SLC37A3: variants seen among roughly 807,000 people sequenced by gnomAD.
SLC37A3 encodes the protein sugar phosphate exchanger 3.
A neutral mutation model predicts 67.1 loss-of-function variants in SLC37A3; 51 were observed. The ratio of observed to expected loss-of-function variants is 0.76; its 90% CI spans 0.61 to 0.96. The LOEUF is 0.96. SLC37A3 is among the 40% of genes least tolerant of loss of function. The pLI is 0.00. For synonymous variants in SLC37A3, 214 were observed against 231.4 expected (o/e 0.92, Z 0.68); for missense variants, 508 against 603.0 (o/e 0.84, Z 1.65).
In SLC37A3 at chr7:140,369,561, G is replaced by C. The variant is rs4448174; in HGVS notation, c.291+29C>G. The C allele has an allele frequency of 0.56, 890,015 of 1,586,864 alleles. 250,820 individuals are homozygous for C. The highest frequency in any genetic ancestry group is 0.64 in the South Asian group (57,754 of 89,880). On this transcript the variant is annotated intron_variant, in intron 4 of 14. Transcript: ENST00000326232. ...TCATTTATATTTACATTTTTCTTTA[G>C]CTTTAAGCCCTAGAGTTCCAAAACT...
At position 140,366,602 on chromosome 7, in the gene SLC37A3, C is replaced by T. The variant is rs141298623; in HGVS notation, c.292-2111G>A. 1.6e-3 allele frequency among the ~76,000 whole-genome samples: 244 copies of T among 152,262 alleles called. 1 individual carries two copies. The highest frequency in any genetic ancestry group is 6.8e-3 in the Middle Eastern group (2 of 294). ...ACCAAAAAAAGGTTAAATTCTACTT[C>T]GCAACCAAGTTTAACACAGCTAGTT... is the stretch of plus-strand genomic sequence containing the variant. On this transcript the variant is annotated intron_variant, in intron 4 of 14. Coordinates refer to ENST00000326232, the MANE Select transcript of SLC37A3 (RefSeq NM_207113.3).
chr7:140,337,098 CAAA>C (rs1172096190), intron 14 of SLC37A3, among the ~76,000 whole-genome samples, 183 bp downstream of exon 14: 2 of 69,660 alleles, frequency 2.9e-5, no homozygotes, highest in Admixed American at 3.5e-4. Context: ...GACTCTGCCT[CAAA>C]AAAAAAAAAA....
chr7:140,383,051 G>T (rs978581371), intron 1 of SLC37A3, among the ~76,000 whole-genome samples: 3 of 152,098 alleles, frequency 2.0e-5, no homozygotes, highest in African/African-American at 7.2e-5. Context: ...GCTACTGAAA[G>T]AAGTAAAAAT....
chr7:140,377,581 T>A (rs1324010890), intron 3 of SLC37A3, among the ~76,000 whole-genome samples: 1 of 152,198 alleles, frequency 6.6e-6, no homozygotes, highest in Non-Finnish European at 1.5e-5. Flanking sequence ...CCATTATAAA[T>A]TCTAAAGGTA....
chr7:140,362,840 C>T (rs1221371404), intron 5 of SLC37A3, among the ~76,000 whole-genome samples: 1 of 77,514 alleles, frequency 1.3e-5, no homozygotes, highest in South Asian at 5.7e-4. Flanking sequence ...TCTGCCCGGC[C>T]GCCCCTACTG....
chr7:140,388,259 C>T (rs555448591), intron 1 of SLC37A3, among the ~76,000 whole-genome samples: 3 of 151,490 alleles, frequency 2.0e-5, no homozygotes, highest in South Asian at 2.1e-4. Context: ...ATGGCAAAAC[C>T]CCGTTTCCAG....
chr7:140,350,950 T>C (rs1363290825), intron 9 of SLC37A3, among the ~76,000 whole-genome samples: 2 of 152,184 alleles, frequency 1.3e-5, no homozygotes, highest in Non-Finnish European at 2.9e-5. Context: ...CAGAGCTCTT[T>C]GGCCAAGTCT....
chr7:140,345,653 A>G (rs536026187), intron 11 of SLC37A3, among the ~76,000 whole-genome samples: 3 of 152,288 alleles, frequency 2.0e-5, no homozygotes, highest in East Asian at 3.9e-4. Context: ...TAAGCAAATT[A>G]ACAAAGCAAA....
chr7:140,387,034 A>C (rs1463259309), intron 1 of SLC37A3: 2 of 152,218 alleles, frequency 1.3e-5, no homozygotes, highest in East Asian at 3.8e-4. Context: ...ACATTTTAAA[A>C]TATGTGCACA....
At chr7:140,337,230 G>C in intron 14 of SLC37A3, 54 bp downstream of exon 14, 1 of 1,425,138 alleles carries the variant, frequency 7.0e-7, no homozygotes, top group Non-Finnish European at 9.4e-7. Context: ...TAAGTGCTTT[G>C]AACTTAATTA....
Position 140,343,503 on chromosome 7 carries a change from C to T in SLC37A3, c.1235G>A (p.Arg412His), listed in dbSNP as rs557916487. 59 of 1,614,014 alleles carry T rather than the reference C, an allele frequency of 3.7e-5. No individual in the cohort carries two copies. In the East Asian group the frequency reaches 5.1e-4, roughly 14 times the overall value. ...ACTGCTCCTTTGGATGAGCTCCTGGCGACCCAAGTCCGCAGAAATAGCAGA... is the reference window on the plus strand; with the variant it reads ...ACTGCTCCTTTGGATGAGCTCCTGGTGACCCAAGTCCGCAGAAATAGCAGA... Reference protein sequence around the residue: ...ISSAISADLGRQELIQRSSEA... With the variant: ...ISSAISADLGHQELIQRSSEA... Residue 412 changes from arginine to histidine, a missense_variant, in exon 13 of 15, where the codon CGC (arginine) becomes CAC (histidine). By Grantham distance (29) the Arg-to-His change is conservative (BLOSUM62 0). Coordinates refer to ENST00000326232, the MANE Select transcript of SLC37A3 (RefSeq NM_207113.3).
In SLC37A3 at chr7:140,334,798, G is replaced by A. The variant is rs115617434; in HGVS notation, c.*614C>T. On this transcript the variant is annotated 3_prime_UTR_variant, in exon 15 of 15. Transcript: ENST00000326232. ...ATTCATGCTTCTAGGGCTGAATGAC[G>A]TTTAGATCAGACACAGAGTGACTGA... is the stretch of plus-strand genomic sequence containing the variant. The A allele has an allele frequency of 2.4e-3, 403 of 166,394 alleles. 4 individuals carry two copies. Among genetic ancestry groups the A allele is most frequent in the African/African-American group, 8.7e-3 (366 of 41,856 alleles). 10.3% of individuals were successfully genotyped at this position (166,394 alleles called of 1,614,324 possible).
At chr7:140,380,140 A>G (rs530720752) in intron 3 of SLC37A3, 142 bp downstream of exon 3, 50 of 473,038 alleles carry the variant, frequency 1.1e-4, no homozygotes, top group Non-Finnish European at 1.6e-4. Flanking sequence ...TGAAATTAGA[A>G]TAGTTTGGCT....
At chr7:140,361,743 G>A (rs1196943964) in intron 5 of SLC37A3, among the ~76,000 whole-genome samples, 117 of 149,438 alleles carry the variant, frequency 7.8e-4, no homozygotes, top group African/African-American at 2.7e-3. Flanking sequence ...GTGGAGACGG[G>A]GTTTTGCTGT....
chr7:140,374,786 A>G (rs573161067), intron 3 of SLC37A3, among the ~76,000 whole-genome samples: 1 of 152,166 alleles, frequency 6.6e-6, no homozygotes, highest in South Asian at 2.1e-4. Context: ...TGAGCCCAGG[A>G]CTTCAAGGCT....
At chr7:140,342,538 T>C (rs1230306837) in intron 13 of SLC37A3, among the ~76,000 whole-genome samples, 1 of 152,208 alleles carries the variant, frequency 6.6e-6, no homozygotes, top group African/African-American at 2.4e-5. Flanking sequence ...TCAACTATTT[T>C]TATCCATACA....
intron 1 of SLC37A3, among the ~76,000 whole-genome samples, chr7:140,393,825 G>A (rs1424668648): frequency 2.0e-5 from 3 of 152,066 alleles, no homozygotes; most frequent in African/African-American, 4.8e-5. Flanking sequence ...TCTGTGTCCT[G>A]AGTCTCACAG....
intron 1 of SLC37A3, among the ~76,000 whole-genome samples, chr7:140,387,155 A>G (rs1238218932): frequency 2.0e-5 from 3 of 152,042 alleles, no homozygotes; most frequent in Admixed American, 6.6e-5. Flanking sequence ...AATCGAGTAC[A>G]TTGTCATTAA....
At chr7:140,398,166 C>A (rs1195937418) in intron 1 of SLC37A3, among the ~76,000 whole-genome samples, 1 of 152,186 alleles carries the variant, frequency 6.6e-6, no homozygotes, top group African/African-American at 2.4e-5. Context: ...CGGGGCCGGG[C>A]CGCAGGGTCC....
Sources: allele counts gnomAD v4.1 joint callset (sites outside exome capture counted in the v4.1 genomes callset), GRCh38; gene constraint gnomAD v4.1.1; transcripts MANE v1.5; gene names NCBI Gene and HGNC (gene_info 2026-07-23, HGNC 2026-07-21).